The following URB1 variants were observed in gnomAD, a reference collection of about 807,000 sequenced individuals.
URB1 encodes nucleolar pre-ribosomal-associated protein 1.
URB1 carries 197 observed loss-of-function variants against 242.3 expected under a neutral mutation model. The ratio of observed to expected loss-of-function variants is 0.81; its 90% CI spans 0.72 to 0.91. The LOEUF is 0.91. URB1 is among the 40% of genes least tolerant of loss of function. URB1 has a pLI of 0.00. For synonymous variants in URB1, 1,153 were observed against 1,201.8 expected (o/e 0.96, Z 0.84); for missense variants, 2,721 against 2,860.5 (o/e 0.95, Z 1.11).
chr21:32,374,974 G>A (rs190321343), intron 6 of URB1, among the ~76,000 whole-genome samples: 13 of 152,326 alleles, frequency 8.5e-5, no homozygotes, highest in Non-Finnish European at 1.6e-4. Flanking sequence ...CTGTATTAAA[G>A]GCAGTGATCT....
At chr21:32,322,446 T>G in intron 33 of URB1, 32 bp downstream of exon 33, 1 of 1,525,586 alleles carries the variant, frequency 6.6e-7, no homozygotes, top group Non-Finnish European at 8.9e-7. Flanking sequence ...TTCAGGGGCC[T>G]GCAGAAAGCC....
rs535481930 is a variant in URB1 at position 32,345,256 on chromosome 21, C to T, written c.4070+118G>A. On this transcript the variant is annotated intron_variant, in intron 23 of 38. Coordinates refer to ENST00000382751, the MANE Select transcript of URB1 (RefSeq NM_014825.3). ...GGAAGTAGAGTTCTCATAGGAACTGCCTGATCACAGATGGGGCACAACAGT... is the reference window on the plus strand; with the variant it reads ...GGAAGTAGAGTTCTCATAGGAACTGTCTGATCACAGATGGGGCACAACAGT... The T allele has an allele frequency of 5.3e-6, 6 of 1,131,556 alleles. No homozygotes were observed. The African/African-American group carries it at 7.8e-5, about 15-fold the overall frequency. The allele number at this position is 1,131,556 out of a possible 1,614,324, so 70.1% of individuals were successfully genotyped here.
intron 28 of URB1, 135 bp from the exon 29 acceptor site, chr21:32,334,469 T>A: frequency 3.8e-6 from 4 of 1,043,806 alleles, no homozygotes; most frequent in Non-Finnish European, 5.4e-6. Context: ...CGACGTGTTA[T>A]ATCACTCAAT....
chr21:32,350,928 GGA>G lies in URB1; in HGVS notation c.2614-8_2614-7del. On this transcript the variant is annotated splice_region_variant and splice_polypyrimidine_tract_variant and intron_variant, in intron 19 of 38. Coordinates refer to ENST00000382751, the MANE Select transcript of URB1 (RefSeq NM_014825.3). ...CTGCCCTGTGCCTGCAGCAGCTGAG[GGA>G]GACAGCAAAAGGCCGGGGAAGAGAA... 6.5e-7 allele frequency: 1 copy of G among 1,542,328 alleles called. No homozygotes were observed. Among genetic ancestry groups the G allele is most frequent in the Non-Finnish European group, 8.7e-7 (1 of 1,145,198 alleles).
intron 8 of URB1, among the ~76,000 whole-genome samples, chr21:32,370,719 C>T (rs2123609767): frequency 6.6e-6 from 1 of 152,350 alleles, no homozygotes; most frequent in Non-Finnish European, 1.5e-5. Context: ...GGCCCAGCAC[C>T]TATCATTGTA....
intron 30 of URB1, among the ~76,000 whole-genome samples, chr21:32,328,970 C>T (rs770837880): frequency 1.3e-4 from 20 of 152,118 alleles, no homozygotes; most frequent in South Asian, 2.1e-4. Flanking sequence ...AAAATTAAAA[C>T]TGCCCCAGAA....
chr21:32,318,534 T>C (rs1319563089), intron 36 of URB1, among the ~76,000 whole-genome samples: 1 of 152,222 alleles, frequency 6.6e-6, no homozygotes, highest in Non-Finnish European at 1.5e-5. Context: ...TTTTGAACAA[T>C]ACAAAACAAA....
At position 32,335,011 on chromosome 21, in the gene URB1, C is replaced by T. The variant is rs572575197; in HGVS notation, c.4686-677G>A. On this transcript the variant is annotated intron_variant, in intron 28 of 38. Transcript: ENST00000382751. ...CTCCTCCTCCCTCCCCCATCCACTGCCCTGCTGCTGCCCCGCTGCTGCCAG... is the reference window on the plus strand; with the variant it reads ...CTCCTCCTCCCTCCCCCATCCACTGTCCTGCTGCTGCCCCGCTGCTGCCAG... 2.6e-5 allele frequency among the ~76,000 whole-genome samples: 4 copies of T among 152,290 alleles called. No individual in the cohort carries two copies. The East Asian group carries it at 7.7e-4, about 29-fold the overall frequency.
chr21:32,353,293 T>C (rs1350282296), intron 18 of URB1, among the ~76,000 whole-genome samples: 2 of 152,158 alleles, frequency 1.3e-5, no homozygotes, highest in African/African-American at 4.8e-5. Flanking sequence ...ATAACACCCC[T>C]TGCTTGACTG....
In URB1 at chr21:32,333,322, C is replaced by T; in HGVS notation, c.4955G>A (p.Arg1652Lys). 1.9e-6 allele frequency: 3 copies of T among 1,551,892 alleles called. No individual in the cohort carries two copies. The highest frequency in any genetic ancestry group is 2.6e-6 in the Non-Finnish European group (3 of 1,147,004). The stretch of plus-strand genomic sequence containing the variant: ...CAAGAGAAGACTGCAGTTACCTGGC[C>T]TGGTCAGCTCACTGAAGAGCTGAAG... ...FLLQLFSELT[R>K]PEFVVDCRKF... The change falls in exon 30 of 39, where the codon AGG becomes AAG. Residue 1652 changes from arginine to lysine, a missense_variant. Coordinates refer to ENST00000382751, the MANE Select transcript of URB1 (RefSeq NM_014825.3).
chr21:32,385,660 G>T lies in URB1; in HGVS notation c.167C>A (p.Ala56Asp). 6.4e-7 allele frequency: 1 copy of T among 1,551,330 alleles called. No individual in the cohort carries two copies. Among genetic ancestry groups the T allele is most frequent in the Non-Finnish European group, 8.7e-7 (1 of 1,146,878 alleles). Residue 56 changes from alanine (A) to aspartate (D), a missense_variant, in exon 2 of 39, where the codon GCC becomes GAC. Ala to Asp is a moderately radical substitution (Grantham distance 126, BLOSUM62 -2). Transcript: ENST00000382751. ...CACATCTTCTCGTGGTAGCTTCTTGGCAGCAGACACAAACGCTTCCAAGCC... is the reference window on the plus strand; with the variant it reads ...CACATCTTCTCGTGGTAGCTTCTTGTCAGCAGACACAAACGCTTCCAAGCC... ...GPGLEAFVSA[A>D]KKLPREDVYD... is the part of the protein sequence containing the mutation.
At chr21:32,386,927 T>C (rs187492840) in intron 1 of URB1, among the ~76,000 whole-genome samples, 62 of 151,864 alleles carry the variant, frequency 4.1e-4, no homozygotes, top group African/African-American at 1.4e-3. Flanking sequence ...ACTGGATGAT[T>C]CCTGCTCATG....
In URB1 at chr21:32,392,936, A is replaced by G; in HGVS notation, c.-26T>C. The G allele has an allele frequency of 1.3e-6, 2 of 1,492,614 alleles. No individual in the cohort carries two copies. Among genetic ancestry groups the G allele is most frequent in the Non-Finnish European group, 1.8e-6 (2 of 1,121,598 alleles). The allele number at this position is 1,492,614 out of a possible 1,614,324, so 92.5% of individuals were successfully genotyped here. A position where few individuals can be genotyped will look rare whatever the true frequency, so the allele number is the denominator to read the frequency against. ...GGCCGAGAGGGCGGAAGCGCGACGGAAACGACACACCTGAGGGGACCCGGC... is the reference window on the plus strand; with the variant it reads ...GGCCGAGAGGGCGGAAGCGCGACGGGAACGACACACCTGAGGGGACCCGGC... On this transcript the variant is annotated 5_prime_UTR_variant, in exon 1 of 39. Coordinates refer to ENST00000382751, the MANE Select transcript of URB1 (RefSeq NM_014825.3).
intron 5 of URB1, 97 bp from the exon 6 acceptor site, chr21:32,375,580 C>T: frequency 1.5e-6 from 1 of 655,592 alleles, no homozygotes; most frequent in South Asian, 2.7e-5. Context: ...GCAAACAATG[C>T]CATTTACTTT....
In URB1 at chr21:32,337,568, A is replaced by G; in HGVS notation, c.4511-54T>C. On this transcript the variant is annotated intron_variant, in intron 26 of 38. Transcript: ENST00000382751. ...GCATGGTGGGGCAGACACACTGAATACCAGAAGAGGAGAGAGCCTTCCAGG... is the reference window on the plus strand; with the variant it reads ...GCATGGTGGGGCAGACACACTGAATGCCAGAAGAGGAGAGAGCCTTCCAGG... 7 of 1,449,660 alleles carry G rather than the reference A, an allele frequency of 4.8e-6. No homozygotes were observed. In the Middle Eastern group the frequency reaches 8.7e-4, roughly 180 times the overall value. 89.8% of individuals were successfully genotyped at this position (1,449,660 alleles called of 1,614,324 possible).
chr21:32,324,474 A>C lies in URB1; in HGVS notation c.5233+17T>G, dbSNP rs906961220. ...CAGCTTTTCAATTTCCCCTCAACCT[A>C]ATTATGTCAGTGGTACCTGGTTTCA... On this transcript the variant is annotated intron_variant, in intron 32 of 38. Coordinates refer to ENST00000382751, the MANE Select transcript of URB1 (RefSeq NM_014825.3). The C allele has an allele frequency of 1.8e-5, 28 of 1,540,822 alleles. No individual in the cohort carries two copies. In the South Asian group the frequency reaches 3.0e-4, roughly 16 times the overall value.
chr21:32,371,414 G>C (rs956935599), intron 8 of URB1, among the ~76,000 whole-genome samples: 1 of 152,186 alleles, frequency 6.6e-6, no homozygotes, highest in Non-Finnish European at 1.5e-5. Flanking sequence ...GGGGAACAAT[G>C]CATGTGTTTT....
rs1568808541 is a variant in URB1, at chr21:32,322,553, G to C, written c.5265C>G (p.Phe1755Leu). The C allele has an allele frequency of 6.4e-7, 1 of 1,552,038 alleles. No individual in the cohort carries two copies. Among genetic ancestry groups the C allele is most frequent in the Non-Finnish European group, 8.7e-7 (1 of 1,147,052 alleles). The change falls in exon 33 of 39, where the codon TTC (phenylalanine) becomes TTG (leucine). Residue 1755 changes from phenylalanine to leucine, a missense_variant. By Grantham distance (22) the Phe-to-Leu change is conservative. Coordinates refer to ENST00000382751, the MANE Select transcript of URB1 (RefSeq NM_014825.3). ...EEHMYLKVSN[F>L]LLSHEYLNMD... is the part of the protein sequence containing the mutation. ...TGTTCAAGTACTCATGCGACAGCAG[G>C]AAGTTGCTGACCTTCAGGTACATGT...
chr21:32,352,359 G>A (rs2033167526), intron 19 of URB1, among the ~76,000 whole-genome samples: 1 of 152,150 alleles, frequency 6.6e-6, no homozygotes, highest in Admixed American at 6.5e-5. Context: ...GCCATGCTAA[G>A]GTCTGCAGAG....
Sources: gnomAD v4.1 joint callset for allele counts (sites outside exome capture counted in the v4.1 genomes callset) on GRCh38, gnomAD v4.1.1 for gene constraint, MANE v1.5 for transcripts, NCBI Gene and HGNC (gene_info 2026-07-23, HGNC 2026-07-21) for gene names.